PREX2: variants seen among roughly 807,000 people sequenced by gnomAD.
PREX2 encodes phosphatidylinositol 3,4,5-trisphosphate-dependent Rac exchanger 2 protein.
A neutral mutation model predicts 203.2 loss-of-function variants in PREX2; 107 were observed. That is an observed-to-expected ratio of 0.53 (90% confidence interval 0.45 to 0.62). The LOEUF (loss-of-function observed/expected upper bound fraction) is 0.62, where lower values mean the gene tolerates loss of function less well. Ranked by LOEUF, PREX2 falls within the 20% of genes least tolerant of loss-of-function variation. PREX2 has a pLI of 0.00. For synonymous variants in PREX2, 672 were observed against 663.6 expected, an observed-to-expected ratio of 1.01 and a Z score of -0.19; for missense variants, 1,777 against 1,955.9, an observed-to-expected ratio of 0.91 and a Z score of 1.72.
chr8:68,144,213 C>T (rs920451454), intron 33 of PREX2, among the ~76,000 whole-genome samples: 7 of 152,106 alleles, frequency 4.6e-5, no homozygotes, highest in African/African-American at 1.7e-4. Flanking sequence ...ATTAGTTTGT[C>T]ACTATCCAAG....
At chr8:67,968,480 C>T (rs1307720158) in intron 1 of PREX2, among the ~76,000 whole-genome samples, 1 of 152,174 alleles carries the variant, frequency 6.6e-6, no homozygotes, top group Non-Finnish European at 1.5e-5. Context: ...TCATTACCAA[C>T]TTCAGAATAG....
At chr8:68,088,935 G>A (rs780303408) in intron 19 of PREX2, among the ~76,000 whole-genome samples, 14 of 152,184 alleles carry the variant, frequency 9.2e-5, no homozygotes, top group Non-Finnish European at 1.6e-4. Context: ...GGTGGGGTTG[G>A]CCTACGTCTG....
chr8:68,149,563 C>A (rs566896489), intron 34 of PREX2, among the ~76,000 whole-genome samples: 23 of 152,144 alleles, frequency 1.5e-4, no homozygotes, highest in Non-Finnish European at 2.8e-4. Flanking sequence ...TGAGATAAAG[C>A]AAGCAACTAT....
In PREX2 at chr8:68,189,696, C is replaced by A. The variant is rs192829735; in HGVS notation, c.4347-2026C>A. Among the ~76,000 whole-genome samples the A allele has an allele frequency of 9.9e-4, 151 of 152,252 alleles. 2 individuals carry two copies. The highest frequency in any genetic ancestry group is 3.4e-3 in the Middle Eastern group (1 of 294). ...GTGGCTCATGTCACCATGACCCAGT[C>A]TGGTGGGTTGCTGCCTGGGGTTGCT... On this transcript the variant is annotated intron_variant, in intron 35 of 39. Coordinates refer to ENST00000288368, the MANE Select transcript of PREX2 (RefSeq NM_024870.4).
chr8:68,208,601 G>A (rs576884244), intron 37 of PREX2, among the ~76,000 whole-genome samples: 2 of 152,080 alleles, frequency 1.3e-5, no homozygotes, highest in Non-Finnish European at 2.9e-5. Flanking sequence ...ATGGGACCAC[G>A]AGAAAAGCAG....
chr8:68,125,431 A>G (rs1023087734), intron 30 of PREX2, among the ~76,000 whole-genome samples: 1 of 152,130 alleles, frequency 6.6e-6, no homozygotes, highest in African/African-American at 2.4e-5. Flanking sequence ...TCAAGGTGTC[A>G]TAATTCTATG....
At chr8:67,967,576 G>C (rs1805809962) in intron 1 of PREX2, among the ~76,000 whole-genome samples, 1 of 152,154 alleles carries the variant, frequency 6.6e-6, no homozygotes, top group South Asian at 2.1e-4. Flanking sequence ...AAAAGCTTCT[G>C]CTGGAAATGA....
chr8:68,170,820 A>G (rs1352432086), intron 35 of PREX2, among the ~76,000 whole-genome samples: 4 of 151,654 alleles, frequency 2.6e-5, no homozygotes, highest in Non-Finnish European at 5.9e-5. Context: ...TATCAGCCTC[A>G]TTTTTCCCTG....
chr8:68,130,088 GA>G (rs1188354231), intron 31 of PREX2, among the ~76,000 whole-genome samples: 1 of 131,252 alleles, frequency 7.6e-6, no homozygotes, highest in African/African-American at 2.9e-5. Context: ...GACCAGCCTG[GA>G]TATCATAGTG....
intron 35 of PREX2, among the ~76,000 whole-genome samples, chr8:68,169,257 A>T (rs1811823847): frequency 6.6e-6 from 1 of 152,108 alleles, no homozygotes. Flanking sequence ...CTGGGGAGGC[A>T]ATCAGCCAGA....
At position 68,153,333 on chromosome 8, in the gene PREX2, C is replaced by T. The variant is rs80313946; in HGVS notation, c.4232-3989C>T. ...CTGATTAATCTCTTTCTTGGGAAAGCCTTGAAAGGTATTTTGAGTAAGTGG... is the reference window on the plus strand; with the variant it reads ...CTGATTAATCTCTTTCTTGGGAAAGTCTTGAAAGGTATTTTGAGTAAGTGG... On this transcript the variant is annotated intron_variant, in intron 34 of 39. Coordinates refer to ENST00000288368, the MANE Select transcript of PREX2 (RefSeq NM_024870.4). 7.9e-3 allele frequency among the ~76,000 whole-genome samples: 1,200 copies of T among 152,260 alleles called. 13 individuals carry two copies. The highest frequency in any genetic ancestry group is 0.027 in the African/African-American group (1,132 of 41,552).
intron 31 of PREX2, among the ~76,000 whole-genome samples, chr8:68,128,627 T>C (rs948061064): frequency 1.3e-5 from 2 of 152,182 alleles, no homozygotes; most frequent in African/African-American, 4.8e-5. Context: ...TCATCATCTA[T>C]GAGGCTAGCC....
chr8:68,183,451 G>A (rs976127952), intron 35 of PREX2, among the ~76,000 whole-genome samples: 13 of 152,144 alleles, frequency 8.5e-5, no homozygotes, highest in African/African-American at 3.1e-4. Context: ...ATAATGAGAT[G>A]TTTTGAAAGG....
At chr8:68,103,859 C>G (rs1429034244) in intron 23 of PREX2, among the ~76,000 whole-genome samples, 1 of 152,144 alleles carries the variant, frequency 6.6e-6, no homozygotes, top group Non-Finnish European at 1.5e-5. Context: ...TGGTAAAGCT[C>G]CAGGACTCAG....
chr8:68,098,568 T>G (rs1810159311), intron 22 of PREX2, among the ~76,000 whole-genome samples: 1 of 152,104 alleles, frequency 6.6e-6, no homozygotes, highest in African/African-American at 2.4e-5. Flanking sequence ...AACCAGGTTA[T>G]TATAATTATT....
intron 2 of PREX2, among the ~76,000 whole-genome samples, chr8:68,019,164 T>C (rs1807490784): frequency 6.6e-6 from 1 of 152,240 alleles, no homozygotes; most frequent in African/African-American, 2.4e-5. Context: ...GTCCCAGCTT[T>C]TACTTCTACA....
chr8:68,061,898 T>C (rs1808867317), intron 11 of PREX2, among the ~76,000 whole-genome samples: 1 of 152,140 alleles, frequency 6.6e-6, no homozygotes, highest in Non-Finnish European at 1.5e-5. Context: ...GCAGTGTTAA[T>C]GGGACTCAGG....
At chr8:68,125,430 CATA>C (rs1033166140) in intron 30 of PREX2, among the ~76,000 whole-genome samples, 2 of 152,062 alleles carry the variant, frequency 1.3e-5, no homozygotes, top group Non-Finnish European at 2.9e-5. Context: ...ATCAAGGTGT[CATA>C]ATTCTATGAT....
chr8:68,194,800 CAAA>C (rs11301210), intron 37 of PREX2, among the ~76,000 whole-genome samples: 5 of 142,814 alleles, frequency 3.5e-5, no homozygotes, highest in Non-Finnish European at 6.1e-5. Flanking sequence ...GACTGTGTCT[CAAA>C]AAAAAAAAAA....
Sources: gnomAD v4.1 joint callset for allele counts (sites outside exome capture counted in the v4.1 genomes callset) on GRCh38, gnomAD v4.1.1 for gene constraint, MANE v1.5 for transcripts, NCBI Gene and HGNC (gene_info 2026-07-23, HGNC 2026-07-21) for gene names.